ARID4B: variants seen among roughly 807,000 people sequenced by gnomAD.
ARID4B encodes AT-rich interaction domain 4B.
Under a neutral mutation model 147.5 loss-of-function variants are expected in ARID4B, and 26 were observed. That is an observed-to-expected ratio of 0.18 (90% CI 0.13 to 0.24). The LOEUF (loss-of-function observed/expected upper bound fraction) is 0.24, where lower values mean the gene tolerates loss of function less well. ARID4B is among the 10% of genes least tolerant of loss of function. ARID4B has a pLI of 1.00. For synonymous variants in ARID4B, 512 were observed against 507.9 expected, an observed-to-expected ratio of 1.01 and a Z score of -0.11; for missense variants, 1,179 against 1,511.5, an observed-to-expected ratio of 0.78 and a Z score of 3.65.
chr1:235,288,828 G>T (rs917545224), intron 2 of ARID4B, among the ~76,000 whole-genome samples: 1 of 152,142 alleles, frequency 6.6e-6, no homozygotes, highest in Non-Finnish European at 1.5e-5. Context: ...GTGCCTTAAA[G>T]GCCAACACAT....
intron 15 of ARID4B, 29 bp from the exon 16 acceptor site, chr1:235,219,997 A>T (rs535356738): frequency 7.0e-7 from 1 of 1,436,164 alleles, no homozygotes; most frequent in South Asian, 1.4e-5. Flanking sequence ...AAAGAAACCA[A>T]CAAAAGTAAA....
At chr1:235,277,783 G>T (rs1238446859) in intron 2 of ARID4B, among the ~76,000 whole-genome samples, 1 of 151,960 alleles carries the variant, frequency 6.6e-6, no homozygotes, top group African/African-American at 2.4e-5. Context: ...AGTTGCTGAG[G>T]ATATCTATTC....
At chr1:235,290,599 G>C (rs1156439106) in intron 2 of ARID4B, among the ~76,000 whole-genome samples, 1 of 152,168 alleles carries the variant, frequency 6.6e-6, no homozygotes, top group African/African-American at 2.4e-5. Flanking sequence ...TCCAAAAATA[G>C]GGGTGTGGCT....
At chr1:235,310,753 T>A (rs114486570) in intron 2 of ARID4B, among the ~76,000 whole-genome samples, 312 of 152,274 alleles carry the variant, frequency 2.0e-3, no homozygotes, top group Non-Finnish European at 2.7e-3. Context: ...CACTGCAGAC[T>A]TGACATCCTG....
chr1:235,187,319 G>C (rs1334846226), intron 19 of ARID4B, among the ~76,000 whole-genome samples: 2 of 151,228 alleles, frequency 1.3e-5, no homozygotes, highest in African/African-American at 4.9e-5. Flanking sequence ...CCCGACCTCA[G>C]GTGATCCGCC....
Position 235,168,249 on chromosome 1 carries a change from C to A in ARID4B, c.*276G>T. 2.9e-6 allele frequency: 1 copy of A among 346,980 alleles called. No individual in the cohort carries two copies. The highest frequency in any genetic ancestry group is 5.4e-6 in the Non-Finnish European group (1 of 186,594). The allele number at this position is 346,980 out of a possible 1,614,324, so 21.5% of individuals were successfully genotyped here. ...ATGCTTACTGTATTGTCTCTACAGG[C>A]AGTGAAAAGCCTCCATTTGCCACAG... On this transcript the variant is annotated 3_prime_UTR_variant, in exon 24 of 24. Transcript: ENST00000264183.
intron 2 of ARID4B, among the ~76,000 whole-genome samples, chr1:235,277,612 G>A (rs1004124300): frequency 7.0e-6 from 1 of 142,214 alleles, no homozygotes; most frequent in African/African-American, 2.6e-5. Flanking sequence ...GTGTGTGTGT[G>A]TGTGTGTGTG....
intron 8 of ARID4B, among the ~76,000 whole-genome samples, chr1:235,238,684 C>T (rs1287079635): frequency 1.3e-5 from 2 of 151,958 alleles, no homozygotes; most frequent in African/African-American, 2.4e-5. Flanking sequence ...AGGGAGACCT[C>T]GTATTTACAA....
At chr1:235,304,043 T>G (rs1673375451) in intron 2 of ARID4B, among the ~76,000 whole-genome samples, 1 of 152,148 alleles carries the variant, frequency 6.6e-6, no homozygotes, top group Non-Finnish European at 1.5e-5. Context: ...TCTCATATAC[T>G]GAAAATAAAA....
intron 2 of ARID4B, among the ~76,000 whole-genome samples, chr1:235,311,174 T>C (rs1031765915): frequency 2.6e-5 from 4 of 151,972 alleles, no homozygotes; most frequent in South Asian, 2.1e-4. Context: ...CTAGGCAACA[T>C]AGTGAGACCC....
chr1:235,292,132 G>A lies in ARID4B; in HGVS notation c.7-31380C>T, dbSNP rs912459135. 6.6e-5 allele frequency among the ~76,000 whole-genome samples: 10 copies of A among 152,216 alleles called. No homozygotes were observed. The South Asian group carries it at 2.1e-3, about 32-fold the overall frequency. On this transcript the variant is annotated intron_variant, in intron 2 of 23. Transcript: ENST00000264183. ...ATACAACTTATAATGTAAGTTGTTTGCTTCTTCATTTCGTTACATATTATA... is the reference window on the plus strand; with the variant it reads ...ATACAACTTATAATGTAAGTTGTTTACTTCTTCATTTCGTTACATATTATA...
rs542076543 is a variant in ARID4B at position 235,197,206 on chromosome 1, T to C, written c.1842-1091A>G. Among the ~76,000 whole-genome samples, 25 of 152,288 alleles carry C rather than the reference T, an allele frequency of 1.6e-4. 1 individual carries two copies. The highest frequency in any genetic ancestry group is 5.3e-4 in the African/African-American group (22 of 41,552). On this transcript the variant is annotated intron_variant, in intron 17 of 23. Transcript: ENST00000264183. ...AGAAGAAGTAAACATTAAAAACTAA[T>C]TGACATTCTCTTTTTGTGTTCAAAG...
At position 235,255,817 on chromosome 1, in the gene ARID4B, T is replaced by G. The variant is rs139913696; in HGVS notation, c.184-67A>C. 3,371 of 1,124,506 alleles carry G rather than the reference T, an allele frequency of 3.0e-3. 20 individuals are homozygous for G. The highest frequency in any genetic ancestry group is 0.02 in the Middle Eastern group (99 of 4,894). The allele number at this position is 1,124,506 out of a possible 1,614,324, so 69.7% of individuals were successfully genotyped here. A position where few individuals can be genotyped will look rare whatever the true frequency, so the allele number is the denominator to read the frequency against. ...AAATTAACAAACCAAAACCTGGGTT[T>G]GTTTTCTTTTAACTGAGTGCATGAT... On this transcript the variant is annotated intron_variant, in intron 4 of 23. Transcript: ENST00000264183.
At chr1:235,289,737 A>G (rs1672209109) in intron 2 of ARID4B, among the ~76,000 whole-genome samples, 1 of 151,928 alleles carries the variant, frequency 6.6e-6, no homozygotes, top group Admixed American at 6.6e-5. Flanking sequence ...AAAAAAAAAA[A>G]AAAAGCCAAC....
chr1:235,310,044 A>G (rs1673936028), intron 2 of ARID4B, among the ~76,000 whole-genome samples: 1 of 151,954 alleles, frequency 6.6e-6, no homozygotes, highest in Non-Finnish European at 1.5e-5. Flanking sequence ...ACACTGCGGA[A>G]GGCCACAGGG....
Position 235,229,278 on chromosome 1 carries a change from C to T in ARID4B, c.850G>A (p.Glu284Lys). 1 of 1,613,024 alleles carries T rather than the reference C, an allele frequency of 6.2e-7. No individual in the cohort carries two copies. Among genetic ancestry groups the T allele is most frequent in the Non-Finnish European group, 8.5e-7 (1 of 1,179,278 alleles). The change falls in exon 11 of 24, where the codon GAG (glutamate) becomes AAG (lysine). Residue 284 changes from glutamate to lysine, a missense_variant. Glu to Lys is a moderately conservative substitution (Grantham distance 56, BLOSUM62 1). This residue lies in a region of ARID4B where 159 missense variants were observed against 190.5 expected (regional missense o/e 0.83). Coordinates refer to ENST00000264183, the MANE Select transcript of ARID4B (RefSeq NM_016374.6). ...SSSEAEEEEE[E>K]EDDEKEKEDN... ...TCCTTTTCTTTTTCATCATCTTCCTCCTCCTCTTCTTCCTCTGCTTCACTG... is the reference window on the plus strand; with the variant it reads ...TCCTTTTCTTTTTCATCATCTTCCTTCTCCTCTTCTTCCTCTGCTTCACTG...
chr1:235,255,219 C>A (rs867113048), intron 5 of ARID4B, among the ~76,000 whole-genome samples: 20 of 127,640 alleles, frequency 1.6e-4, no homozygotes, highest in African/African-American at 9.1e-5. Context: ...CTGCTGGGAG[C>A]TAGATAGATA....
rs751363269 is a variant in ARID4B at position 235,234,444 on chromosome 1, T to C, written c.634A>G (p.Ile212Val). ...SDEIAVKKDN[I>V]LVRSFKDGKF... Reference sequence around the variant, plus strand: ...CCATCTTTGAAAGATCGAACAAGAATATTGTCCTTTTTTACAGCAATCTCA... The same window carrying C: ...CCATCTTTGAAAGATCGAACAAGAACATTGTCCTTTTTTACAGCAATCTCA... Residue 212 changes from isoleucine to valine, a missense_variant, in exon 9 of 24, where the codon ATT becomes GTT. Physicochemically the swap from Ile to Val is conservative, Grantham distance 29. Around this residue, in one of 10 missense-constraint regions of ARID4B, gnomAD observed 159 missense variants for 190.5 expected, o/e 0.83. Transcript: ENST00000264183. 6.2e-7 allele frequency: 1 copy of C among 1,607,478 alleles called. No individual in the cohort carries two copies. Among genetic ancestry groups the C allele is most frequent in the Admixed American group, 1.7e-5 (1 of 59,742 alleles).
intron 23 of ARID4B, among the ~76,000 whole-genome samples, chr1:235,170,031 A>G (rs1055518421): frequency 6.6e-6 from 1 of 152,188 alleles, no homozygotes; most frequent in African/African-American, 2.4e-5. Context: ...AAATTCATTC[A>G]GTACAGGGGT....
Sources: allele counts gnomAD v4.1 joint callset (sites outside exome capture counted in the v4.1 genomes callset), GRCh38; gene constraint gnomAD v4.1.1; regional missense constraint gnomAD v4.1.1; transcripts MANE v1.5; gene names NCBI Gene and HGNC (gene_info 2026-07-23, HGNC 2026-07-21).